The following SH3RF3 variants were observed in gnomAD, a reference collection of about 807,000 sequenced individuals.
SH3RF3 encodes E3 ubiquitin-protein ligase SH3RF3.
A neutral mutation model predicts 66.3 loss-of-function variants in SH3RF3; 29 were observed. The ratio of observed to expected loss-of-function variants is 0.44; its 90% CI spans 0.33 to 0.60. SH3RF3 has a LOEUF of 0.60. SH3RF3 is among the 20% of genes least tolerant of loss of function. SH3RF3 has a pLI of 0.04. For synonymous variants in SH3RF3, 583 were observed against 532.0 expected, an observed-to-expected ratio of 1.10 and a Z score of -1.32; for missense variants, 1,194 against 1,190.9, an observed-to-expected ratio of 1.00 and a Z score of -0.04.
chr2:109,208,034 G>A (rs552378003), intron 1 of SH3RF3, among the ~76,000 whole-genome samples: 36 of 152,172 alleles, frequency 2.4e-4, no homozygotes, highest in Non-Finnish European at 4.3e-4. Flanking sequence ...TTTAGCATGC[G>A]ATTTGTTAAA....
chr2:109,305,921 TCCTC>T (rs1223505397), intron 1 of SH3RF3, among the ~76,000 whole-genome samples: 1 of 150,092 alleles, frequency 6.7e-6, no homozygotes, highest in African/African-American at 2.5e-5. Flanking sequence ...TTTGGGCTGC[TCCTC>T]CAGCTGCTCC....
At chr2:109,426,708 G>A (rs1677035957) in intron 5 of SH3RF3, among the ~76,000 whole-genome samples, 1 of 152,180 alleles carries the variant, frequency 6.6e-6, no homozygotes, top group African/African-American at 2.4e-5. Flanking sequence ...CTCCAATTTT[G>A]AAAGAAATTC....
intron 1 of SH3RF3, among the ~76,000 whole-genome samples, chr2:109,164,940 G>C (rs986625726): frequency 6.6e-6 from 1 of 152,208 alleles, no homozygotes; most frequent in African/African-American, 2.4e-5. Context: ...AAATAAAAAT[G>C]ACAATGGGGA....
At chr2:109,372,818 G>C (rs887864205) in intron 3 of SH3RF3, among the ~76,000 whole-genome samples, 2 of 152,214 alleles carry the variant, frequency 1.3e-5, no homozygotes, top group Non-Finnish European at 1.5e-5. Flanking sequence ...AAGGGCTTCA[G>C]AGTTGGCACC....
At chr2:109,318,913 GAATTCAAT>G (rs1681951768) in intron 1 of SH3RF3, among the ~76,000 whole-genome samples, 1 of 152,240 alleles carries the variant, frequency 6.6e-6, no homozygotes, top group East Asian at 1.9e-4. Context: ...TGAGCCAAGT[GAATTCAAT>G]ATGTAATGAA....
At chr2:109,472,061 G>C (rs972733354) in intron 8 of SH3RF3, among the ~76,000 whole-genome samples, 2 of 152,212 alleles carry the variant, frequency 1.3e-5, no homozygotes, top group Non-Finnish European at 2.9e-5. Flanking sequence ...TGACATCTCA[G>C]CTTCTTTCAA....
At chr2:109,463,315 C>G (rs559186624) in intron 8 of SH3RF3, among the ~76,000 whole-genome samples, 2 of 152,224 alleles carry the variant, frequency 1.3e-5, no homozygotes, top group Non-Finnish European at 2.9e-5. Flanking sequence ...ACTTGTCTCA[C>G]GGTATTACCA....
At chr2:109,477,244 C>T (rs1162895441) in intron 8 of SH3RF3, among the ~76,000 whole-genome samples, 2 of 152,200 alleles carry the variant, frequency 1.3e-5, no homozygotes, top group East Asian at 3.9e-4. Flanking sequence ...TGGTGACTGT[C>T]AGGAACTGGC....
At chr2:109,139,731 C>T (rs1015757680) in intron 1 of SH3RF3, among the ~76,000 whole-genome samples, 11 of 152,220 alleles carry the variant, frequency 7.2e-5, no homozygotes, top group Non-Finnish European at 1.3e-4. Flanking sequence ...TTGAGCCTCA[C>T]AGTGCAGAAG....
intron 9 of SH3RF3, among the ~76,000 whole-genome samples, chr2:109,494,055 G>A (rs1679195889): frequency 6.6e-6 from 1 of 152,174 alleles, no homozygotes; most frequent in Non-Finnish European, 1.5e-5. Context: ...CGGCTCGTGA[G>A]AATGACAGAC....
intron 5 of SH3RF3, among the ~76,000 whole-genome samples, chr2:109,427,816 G>A (rs374125822): frequency 2.6e-5 from 4 of 152,218 alleles, no homozygotes; most frequent in African/African-American, 9.7e-5. Flanking sequence ...CTGCTGGCTG[G>A]GCTGAGCCAG....
At chr2:109,158,075 C>T (rs1214664375) in intron 1 of SH3RF3, among the ~76,000 whole-genome samples, 1 of 152,122 alleles carries the variant, frequency 6.6e-6, no homozygotes, top group African/African-American at 2.4e-5. Flanking sequence ...GAGCTGGACT[C>T]CCATTTTACA....
At chr2:109,381,106 C>T (rs1444590724) in intron 3 of SH3RF3, among the ~76,000 whole-genome samples, 1 of 152,232 alleles carries the variant, frequency 6.6e-6, no homozygotes, top group African/African-American at 2.4e-5. Flanking sequence ...AGTGCAGAGC[C>T]TTGTCCTGGT....
chr2:109,424,072 T>C (rs1305255914), intron 5 of SH3RF3, among the ~76,000 whole-genome samples: 1 of 152,184 alleles, frequency 6.6e-6, no homozygotes, highest in African/African-American at 2.4e-5. Context: ...TCCCCACCGG[T>C]ACCGGCATTG....
At chr2:109,461,160 C>G (rs1678199831) in intron 8 of SH3RF3, among the ~76,000 whole-genome samples, 1 of 152,252 alleles carries the variant, frequency 6.6e-6, no homozygotes, top group South Asian at 2.1e-4. Flanking sequence ...TGTGTCCACC[C>G]TTCCATTTGG....
rs528067467 is a variant in SH3RF3 at position 109,501,149 on chromosome 2, C to T, written c.2481-354C>T. 1.8e-4 allele frequency among the ~76,000 whole-genome samples: 28 copies of T among 151,966 alleles called. No homozygotes were observed. In the South Asian group the frequency reaches 4.2e-3, roughly 23 times the overall value. On this transcript the variant is annotated intron_variant, in intron 9 of 9. Coordinates refer to ENST00000309415, the MANE Select transcript of SH3RF3 (RefSeq NM_001099289.3). ...GACACAGTTTTTCCTGACCCTCCCC[C>T]GCCCCTGCCCCTGGGAGGCCGCAGT... is the stretch of plus-strand genomic sequence containing the variant.
intron 9 of SH3RF3, among the ~76,000 whole-genome samples, chr2:109,493,447 A>G (rs1038166029): frequency 6.6e-6 from 1 of 151,586 alleles, no homozygotes; most frequent in South Asian, 2.1e-4. Flanking sequence ...ACATGTGCAA[A>G]CACACTCCAC....
chr2:109,385,319 C>G (rs964735031), intron 3 of SH3RF3, among the ~76,000 whole-genome samples: 1 of 151,944 alleles, frequency 6.6e-6, no homozygotes, highest in African/African-American at 2.4e-5. Context: ...TGATTGTTAA[C>G]TTAATTGTAG....
chr2:109,361,269 T>C (rs1683046338), intron 2 of SH3RF3, among the ~76,000 whole-genome samples: 1 of 152,222 alleles, frequency 6.6e-6, no homozygotes. Flanking sequence ...TCATGAGATA[T>C]ATAGGTCTGT....
Sources: gnomAD v4.1 joint callset for allele counts (sites outside exome capture counted in the v4.1 genomes callset) on GRCh38, gnomAD v4.1.1 for gene constraint, MANE v1.5 for transcripts, NCBI Gene and HGNC (gene_info 2026-07-23, HGNC 2026-07-21) for gene names.